WDR72: variants seen among roughly 807,000 people sequenced by gnomAD.
WDR72 encodes WD repeat domain 72, also known as WD repeat-containing protein 72.
WDR72 carries 120 observed loss-of-function variants against 124.2 expected under a neutral mutation model. The ratio of observed to expected loss-of-function variants is 0.97; its 90% CI spans 0.83 to 1.12. WDR72 has a LOEUF of 1.12. WDR72 is among the 50% of genes most tolerant of loss of function. The pLI is 0.00. For missense variants in WDR72, 1,387 were observed against 1,278.8 expected (o/e 1.08, Z -1.29); for synonymous variants, 452 against 441.7 (o/e 1.02, Z -0.29).
chr15:53,643,496 TG>T (rs1162566800), intron 14 of WDR72, among the ~76,000 whole-genome samples: 2 of 152,138 alleles, frequency 1.3e-5, no homozygotes, highest in African/African-American at 4.8e-5. Context: ...CTAGTTGTTT[TG>T]AAGTCCAAAG....
intron 13 of WDR72, among the ~76,000 whole-genome samples, chr15:53,695,639 C>G (rs372922937): frequency 6.6e-6 from 1 of 152,164 alleles, no homozygotes; most frequent in East Asian, 1.9e-4. Flanking sequence ...GACGAGGGCC[C>G]TCAGTGTCAC....
At chr15:53,685,430 C>T (rs1208956377) in intron 13 of WDR72, among the ~76,000 whole-genome samples, 1 of 128,726 alleles carries the variant, frequency 7.8e-6, no homozygotes, top group Non-Finnish European at 1.6e-5. Context: ...GCCTCAGGAG[C>T]CGACGCGATC....
chr15:53,522,545 C>T (rs62005869), intron 19 of WDR72, among the ~76,000 whole-genome samples: 27,420 of 152,022 alleles, frequency 0.18, 2,701 homozygotes, highest in Middle Eastern at 0.24. Flanking sequence ...TTAGTTAAGG[C>T]TAGGCGTGTT....
intron 11 of WDR72, among the ~76,000 whole-genome samples, chr15:53,704,140 T>C (rs2017267481): frequency 6.6e-6 from 1 of 152,214 alleles, no homozygotes; most frequent in Non-Finnish European, 1.5e-5. Flanking sequence ...TATGCTCACA[T>C]ATATGTACAA....
chr15:53,650,436 A>G (rs1006745824), intron 14 of WDR72, among the ~76,000 whole-genome samples: 1 of 152,164 alleles, frequency 6.6e-6, no homozygotes, highest in Non-Finnish European at 1.5e-5. Context: ...TTCTTACCAA[A>G]ATAAAATAAG....
intron 14 of WDR72, among the ~76,000 whole-genome samples, chr15:53,625,701 A>G (rs1163087214): frequency 1.3e-5 from 2 of 152,162 alleles, no homozygotes; most frequent in Admixed American, 1.3e-4. Flanking sequence ...ACAAGAGCCC[A>G]GAATAATTAA....
intron 2 of WDR72, 52 bp downstream of exon 2, chr15:53,732,945 T>C: frequency 1.2e-6 from 2 of 1,607,528 alleles, no homozygotes; most frequent in Non-Finnish European, 1.7e-6. Context: ...AAATGCAAGT[T>C]GTCCGTATTT....
intron 13 of WDR72, among the ~76,000 whole-genome samples, chr15:53,668,043 A>G (rs1229605095): frequency 6.6e-6 from 1 of 152,194 alleles, no homozygotes; most frequent in Admixed American, 6.5e-5. Flanking sequence ...GACTCAGTCC[A>G]GGTCCCTGGG....
chr15:53,680,120 G>T (rs1048173195), intron 13 of WDR72, among the ~76,000 whole-genome samples: 33 of 152,126 alleles, frequency 2.2e-4, no homozygotes, highest in African/African-American at 7.7e-4. Context: ...ATAACTGGTA[G>T]CAAGGTGGCC....
intron 18 of WDR72, among the ~76,000 whole-genome samples, chr15:53,556,661 T>A (rs151006562): frequency 1.1e-3 from 162 of 152,224 alleles, no homozygotes; most frequent in African/African-American, 3.9e-3. Flanking sequence ...TCATAGAGAA[T>A]CCTTTTTGAT....
At chr15:53,630,951 T>C (rs139300409) in intron 14 of WDR72, among the ~76,000 whole-genome samples, 11 of 152,308 alleles carry the variant, frequency 7.2e-5, no homozygotes, top group Non-Finnish European at 1.5e-4. Flanking sequence ...ATATTGTATA[T>C]AGAAAACACT....
At position 53,523,309 on chromosome 15, in the gene WDR72, C is replaced by A; in HGVS notation, c.3162G>T (p.Pro1054=). Residue 1054 remains proline (P), a synonymous_variant, in exon 19 of 20, where the codon CCG becomes CCT. Transcript: ENST00000360509. ...AGTTTGAGTTGCTGTCATGCTTGAC[C>A]GGGCTGACTGGAGCTATTAAAAGAG... is the stretch of plus-strand genomic sequence containing the variant. ...NTLPLQTPVS[P]VKHDSNSNSA... The A allele has an allele frequency of 1.2e-6, 2 of 1,611,876 alleles. No individual in the cohort carries two copies. Among genetic ancestry groups the A allele is most frequent in the Non-Finnish European group, 1.7e-6 (2 of 1,179,186 alleles).
rs993027223 is a variant in WDR72, at chr15:53,702,247, C to A, written c.1456G>T (p.Asp486Tyr). The change falls in exon 12 of 20, where the codon GAC becomes TAC. Residue 486 changes from aspartate (D) to tyrosine (Y), a missense_variant. Physicochemically the swap from Asp to Tyr is radical, Grantham distance 160. Coordinates refer to ENST00000360509, the MANE Select transcript of WDR72 (RefSeq NM_182758.4). ...KLDQSWMLSG[D>Y]LDSCVILWDI... ...CACAAGATCACACATGAGTCCAGGT[C>A]CCCAGACAACATCCAACTTTGGTCT... 2 of 1,613,952 alleles carry A rather than the reference C, an allele frequency of 1.2e-6. No individual in the cohort carries two copies. Among genetic ancestry groups the A allele is most frequent in the Non-Finnish European group, 1.7e-6 (2 of 1,179,988 alleles).
intron 1 of WDR72, among the ~76,000 whole-genome samples, chr15:53,733,783 A>G (rs753976328): frequency 4.7e-4 from 72 of 152,190 alleles, no homozygotes; most frequent in Non-Finnish European, 9.4e-4. Flanking sequence ...TATGTTAGTT[A>G]CAAGGGTTAA....
intron 18 of WDR72, among the ~76,000 whole-genome samples, chr15:53,577,312 G>C (rs1351844273): frequency 6.6e-6 from 1 of 151,986 alleles, no homozygotes; most frequent in African/African-American, 2.4e-5. Context: ...AGCCTAAATG[G>C]GCATGTTAAC....
chr15:53,743,080 T>A (rs184653722), intron 1 of WDR72, among the ~76,000 whole-genome samples: 438 of 152,042 alleles, frequency 2.9e-3, no homozygotes, highest in Admixed American at 6.0e-3. Flanking sequence ...AGCCAGTAGG[T>A]AAAAAAACAA....
intron 14 of WDR72, among the ~76,000 whole-genome samples, chr15:53,641,008 T>C (rs2014828524): frequency 6.6e-6 from 1 of 152,018 alleles, no homozygotes; most frequent in African/African-American, 2.4e-5. Context: ...TTCATTTTTT[T>C]CATTTTTTTC....
chr15:53,747,596 C>G lies in WDR72; in HGVS notation c.-13+12037G>C, dbSNP rs183037551. 2.0e-5 allele frequency among the ~76,000 whole-genome samples: 3 copies of G among 152,324 alleles called. No individual in the cohort carries two copies. In the East Asian group the frequency reaches 5.8e-4, roughly 29 times the overall value. On this transcript the variant is annotated intron_variant, in intron 1 of 19. Coordinates refer to ENST00000360509, the MANE Select transcript of WDR72 (RefSeq NM_182758.4). The stretch of plus-strand genomic sequence containing the variant: ...AAGCAAAACAGCCAAGAAATCACAT[C>G]TCTTTCATTACATGGATGAGGTTTC...
chr15:53,601,586 C>A (rs1332635731), intron 17 of WDR72, among the ~76,000 whole-genome samples: 1 of 150,430 alleles, frequency 6.6e-6, no homozygotes, highest in Non-Finnish European at 1.5e-5. Flanking sequence ...AGAACCAAAA[C>A]TATCGGTATG....
Sources: allele counts gnomAD v4.1 joint callset (sites outside exome capture counted in the v4.1 genomes callset), GRCh38; gene constraint gnomAD v4.1.1; transcripts MANE v1.5; gene names NCBI Gene and HGNC (gene_info 2026-07-23, HGNC 2026-07-21).